Variants in TP73 observed in about 807,000 individuals in gnomAD.
TP73 encodes p53-like transcription factor.
In TP73, 25 loss-of-function variants were observed where a neutral mutation model predicts 62.5. The observed-to-expected ratio is 0.40, with a 90% CI of 0.29 to 0.56. The LOEUF (loss-of-function observed/expected upper bound fraction) is 0.56. TP73 is among the 20% of genes least tolerant of loss of function. The pLI, the probability that TP73 is intolerant of heterozygous loss-of-function variation, is 0.46. For missense variants in TP73, 754 were observed against 913.3 expected (o/e 0.83, Z 2.25); for synonymous variants, 423 against 377.5 (o/e 1.12, Z -1.40).
At chr1:3,731,642 C>G in intron 13 of TP73, 86 bp downstream of exon 13, 1 of 1,273,762 alleles carries the variant, frequency 7.9e-7, no homozygotes, top group Non-Finnish European at 1.1e-6. Context: ...CTTCCTTGCT[C>G]TCGTGGCTGG....
rs981120680 is a variant in TP73 at position 3,721,931 on chromosome 1, T to C, written c.430-90T>C. The C allele has an allele frequency of 1.7e-5, 24 of 1,384,692 alleles. No homozygotes were observed. The East Asian group carries it at 5.2e-4, about 30-fold the overall frequency. The allele number at this position is 1,384,692 out of a possible 1,614,324, so 85.8% of individuals were successfully genotyped here. ...CTGGGGGTTGTGGAAGGGGCACCCA[T>C]GGGGAGGACGTGGCTCCCAATGGGG... is the stretch of plus-strand genomic sequence containing the variant. On this transcript the variant is annotated intron_variant, in intron 4 of 13. Transcript: ENST00000378295.
intron 3 of TP73, among the ~76,000 whole-genome samples, chr1:3,704,170 C>T (rs1045657686): frequency 6.6e-6 from 1 of 152,210 alleles, no homozygotes; most frequent in Non-Finnish European, 1.5e-5. Context: ...GGCTCCGAGC[C>T]GTGTGTGTAA....
At chr1:3,708,037 G>T in intron 4 of TP73, 1 of 609,394 alleles carries the variant, frequency 1.6e-6, no homozygotes, top group South Asian at 2.0e-5. Context: ...CAGAGGGGAC[G>T]GACTTGGCCC....
At chr1:3,665,788 G>T in intron 1 of TP73, among the ~76,000 whole-genome samples, 1 of 149,042 alleles carries the variant, frequency 6.7e-6, no homozygotes, top group Middle Eastern at 3.4e-3. Flanking sequence ...CTGAGTGGCT[G>T]GGATTACAGG....
Position 3,683,111 on chromosome 1 carries a change from T to A in TP73, c.117T>A (p.Asn39Lys). The A allele has an allele frequency of 6.2e-7, 1 of 1,612,258 alleles. No individual in the cohort carries two copies. Among genetic ancestry groups the A allele is most frequent in the Non-Finnish European group, 8.5e-7 (1 of 1,178,798 alleles). The change falls in exon 3 of 14, where the codon AAT becomes AAA. Residue 39 changes from asparagine to lysine, a missense_variant. Transcript: ENST00000378295. ...TTCCCCAGTCAAGCCGGGGGAATAA[T>A]GAGGTGGTGGGCGGAACGGATTCCA... ...FDLPQSSRGN[N>K]EVVGGTDSSM...
At chr1:3,667,320 C>G (rs1645141140) in intron 1 of TP73, among the ~76,000 whole-genome samples, 1 of 152,248 alleles carries the variant, frequency 6.6e-6, no homozygotes, top group African/African-American at 2.4e-5. Context: ...ATCTCGGACT[C>G]TGACCTACAG....
chr1:3,677,689 C>CTTT (rs1215137164), intron 1 of TP73, among the ~76,000 whole-genome samples: 2 of 137,220 alleles, frequency 1.5e-5, no homozygotes, highest in Non-Finnish European at 3.2e-5. Flanking sequence ...TCCTTCCTTC[C>CTTT]CTTTTTTTTT....
chr1:3,669,443 G>T (rs1645191921), intron 1 of TP73, among the ~76,000 whole-genome samples: 1 of 152,210 alleles, frequency 6.6e-6, no homozygotes, highest in Non-Finnish European at 1.5e-5. Flanking sequence ...GGGCAGAAGT[G>T]GCTCTGGTAC....
chr1:3,664,564 C>T (rs565759854), intron 1 of TP73, among the ~76,000 whole-genome samples: 13 of 152,222 alleles, frequency 8.5e-5, no homozygotes, highest in Non-Finnish European at 1.6e-4. Context: ...CTCCACCAGT[C>T]CGAATACATG....
At chr1:3,655,713 C>T (rs1045232252) in intron 1 of TP73, among the ~76,000 whole-genome samples, 8 of 152,180 alleles carry the variant, frequency 5.3e-5, no homozygotes, top group African/African-American at 1.7e-4. Context: ...CATGTTCTGC[C>T]CAGATTCCTT....
At chr1:3,723,006 C>A (rs1419436872) in intron 5 of TP73, among the ~76,000 whole-genome samples, 1 of 147,982 alleles carries the variant, frequency 6.8e-6, no homozygotes, top group Non-Finnish European at 1.5e-5. Context: ...GGCTGGGCAT[C>A]TCTGCACCTG....
chr1:3,682,830 C>T (rs751091879), intron 2 of TP73, among the ~76,000 whole-genome samples: 8 of 152,198 alleles, frequency 5.3e-5, no homozygotes, highest in African/African-American at 9.7e-5. Flanking sequence ...GGCCCATGGC[C>T]AGCAGAGGCC....
At chr1:3,655,053 G>A (rs776552363) in intron 1 of TP73, among the ~76,000 whole-genome samples, 2 of 152,228 alleles carry the variant, frequency 1.3e-5, no homozygotes, top group African/African-American at 2.4e-5. Context: ...CGCGTACACG[G>A]TGAACCCTGT....
chr1:3,711,867 T>TGTGTGTGTGTGC (rs1491505004), intron 4 of TP73, among the ~76,000 whole-genome samples: 10 of 147,906 alleles, frequency 6.8e-5, no homozygotes, highest in Middle Eastern at 3.5e-3. Context: ...TGTGTGTGTG[T>TGTGTGTGTGTGC]GCGCGAGCAT....
At chr1:3,715,778 A>G (rs561840065) in intron 4 of TP73, among the ~76,000 whole-genome samples, 1 of 152,096 alleles carries the variant, frequency 6.6e-6, no homozygotes, top group East Asian at 1.9e-4. Context: ...CTCGTCTCCT[A>G]CTGGACCCCT....
intron 4 of TP73, among the ~76,000 whole-genome samples, chr1:3,709,219 C>G (rs981464989): frequency 6.6e-6 from 1 of 152,140 alleles, no homozygotes; most frequent in Non-Finnish European, 1.5e-5. Flanking sequence ...TGGCTCCGGG[C>G]TAAGAGAAGG....
At chr1:3,695,998 C>T (rs1017518431) in intron 3 of TP73, among the ~76,000 whole-genome samples, 1 of 152,196 alleles carries the variant, frequency 6.6e-6, no homozygotes, top group Non-Finnish European at 1.5e-5. Context: ...GGGGTGAAAA[C>T]GCCGCGGTCG....
rs1570361073 is a variant in TP73 at position 3,662,634 on chromosome 1, C to T, written c.-34+9993C>T. On this transcript the variant is annotated intron_variant, in intron 1 of 13. Transcript: ENST00000378295. This position sits in a 1 kb window ranked among gnomAD's most constrained non-coding sequence, Gnocchi z 4.4. Reference sequence around the variant, plus strand: ...AGCCACTCCTGTGTCTGCAGTTACTCGAAATAATGGATATACCCAAGGCAT... The same window carrying T: ...AGCCACTCCTGTGTCTGCAGTTACTTGAAATAATGGATATACCCAAGGCAT... Among the ~76,000 whole-genome samples the T allele has an allele frequency of 6.6e-6, 1 of 152,190 alleles. No homozygotes were observed. The highest frequency in any genetic ancestry group is 1.5e-5 in the Non-Finnish European group (1 of 68,032).
intron 10 of TP73, 59 bp from the exon 11 acceptor site, chr1:3,729,941 G>A: frequency 6.6e-7 from 1 of 1,521,532 alleles, no homozygotes; most frequent in Non-Finnish European, 8.9e-7. Context: ...GGGCATGGGT[G>A]GTCGGTGGGC....
Sources: allele counts gnomAD v4.1 joint callset (sites outside exome capture counted in the v4.1 genomes callset), GRCh38; gene constraint gnomAD v4.1.1; non-coding constraint Gnocchi (gnomAD v3.1); transcripts MANE v1.5; gene names NCBI Gene and HGNC (gene_info 2026-07-23, HGNC 2026-07-21).